TMEM196: variants seen among roughly 807,000 people sequenced by gnomAD.
TMEM196 encodes the protein transmembrane protein 196.
A neutral mutation model predicts 20.0 loss-of-function variants in TMEM196; 17 were observed. That is an observed-to-expected ratio of 0.85 (90% CI 0.58 to 1.27). The LOEUF (loss-of-function observed/expected upper bound fraction) is 1.27. Ranked by LOEUF, TMEM196 falls within the 50% of genes most tolerant of loss-of-function variation. TMEM196 has a pLI of 0.00. For synonymous variants in TMEM196, 113 were observed against 88.9 expected (o/e 1.27, Z -1.52); for missense variants, 267 against 223.0 (o/e 1.20, Z -1.26).
intron 1 of TMEM196, among the ~76,000 whole-genome samples, chr7:19,753,300 A>G (rs990527731): frequency 5.3e-5 from 8 of 152,220 alleles, no homozygotes; most frequent in African/African-American, 1.9e-4. Context: ...ATTCTATGTT[A>G]TAACCACCAC....
chr7:19,744,926 T>A (rs1303252463), intron 1 of TMEM196, among the ~76,000 whole-genome samples: 1 of 152,116 alleles, frequency 6.6e-6, no homozygotes, highest in East Asian at 1.9e-4. Flanking sequence ...AGCAAATCAG[T>A]GGCAGAATTT....
chr7:19,731,377 A>G (rs546732101), intron 1 of TMEM196, among the ~76,000 whole-genome samples: 9 of 151,874 alleles, frequency 5.9e-5, no homozygotes, highest in African/African-American at 2.2e-4. Context: ...AGTGTAGATG[A>G]TCATGTCCTC....
chr7:19,747,299 T>TA (rs904059923), intron 1 of TMEM196, among the ~76,000 whole-genome samples: 12 of 149,390 alleles, frequency 8.0e-5, no homozygotes, highest in East Asian at 6.0e-4. Context: ...AAAATAAAAA[T>TA]AAAAAAAAGA....
chr7:19,757,751 T>TA (rs1434303477), intron 1 of TMEM196, among the ~76,000 whole-genome samples: 26 of 152,152 alleles, frequency 1.7e-4, no homozygotes, highest in Non-Finnish European at 3.1e-4. Context: ...GATTGGTATA[T>TA]AAAATTAATT....
At chr7:19,751,000 T>C (rs901899391) in intron 1 of TMEM196, among the ~76,000 whole-genome samples, 2 of 152,222 alleles carry the variant, frequency 1.3e-5, no homozygotes, top group Admixed American at 6.5e-5. Flanking sequence ...TCCCTCATTG[T>C]TGAGGAAAGA....
chr7:19,766,285 G>A (rs748659786), intron 1 of TMEM196, among the ~76,000 whole-genome samples: 66 of 152,094 alleles, frequency 4.3e-4, no homozygotes, highest in Non-Finnish European at 8.1e-4. Flanking sequence ...ACATTACAGG[G>A]GAAAGTAGTC....
intron 1 of TMEM196, among the ~76,000 whole-genome samples, chr7:19,749,590 A>G (rs1784884344): frequency 6.6e-6 from 1 of 152,180 alleles, no homozygotes; most frequent in Admixed American, 6.5e-5. Context: ...TGGGATACAT[A>G]TAGATAATAA....
chr7:19,758,943 C>T (rs1447174870), intron 1 of TMEM196, among the ~76,000 whole-genome samples: 1 of 152,170 alleles, frequency 6.6e-6, no homozygotes, highest in Non-Finnish European at 1.5e-5. Context: ...AAAAACTCCC[C>T]CTTTAGCTCT....
intron 1 of TMEM196, among the ~76,000 whole-genome samples, chr7:19,733,410 A>C (rs1017377450): frequency 3.9e-5 from 6 of 152,190 alleles, no homozygotes; most frequent in Non-Finnish European, 8.8e-5. Flanking sequence ...CAATTCAAAG[A>C]GGGAAATCTT....
intron 1 of TMEM196, among the ~76,000 whole-genome samples, chr7:19,740,818 A>C (rs1784559427): frequency 6.6e-6 from 1 of 152,162 alleles, no homozygotes; most frequent in Non-Finnish European, 1.5e-5. Context: ...GAACAAACTC[A>C]AAAGTTCCAT....
At position 19,725,643 on chromosome 7, in the gene TMEM196, G is replaced by GA. The variant is rs1783973664; in HGVS notation, c.329dup (p.Ala111ArgfsTer22). ...TGCAGCCCCCGATCCCAATGCACGC[G>GA]AGAGACATGGAGGCAAGGTGCAGTG... On this transcript the variant is annotated frameshift_variant, in exon 3 of 5. Coordinates refer to ENST00000405844, the MANE Select transcript of TMEM196 (RefSeq NM_001363562.2). LOFTEE classifies it high-confidence loss of function. The GA allele has an allele frequency of 6.2e-7, 1 of 1,614,004 alleles. No individual in the cohort carries two copies. Among genetic ancestry groups the GA allele is most frequent in the Non-Finnish European group, 8.5e-7 (1 of 1,180,004 alleles).
chr7:19,760,343 T>C (rs55984098), intron 1 of TMEM196, among the ~76,000 whole-genome samples: 12,579 of 147,406 alleles, frequency 0.085, 1,021 homozygotes, highest in African/African-American at 0.19. Flanking sequence ...CATAAGCCTA[T>C]ATATTTTCCT....
At chr7:19,743,655 A>C (rs1263396174) in intron 1 of TMEM196, among the ~76,000 whole-genome samples, 1 of 152,300 alleles carries the variant, frequency 6.6e-6, no homozygotes, top group South Asian at 2.1e-4. Flanking sequence ...CGAGTTAAAG[A>C]GCACTATTTA....
At chr7:19,761,997 G>A (rs917351782) in intron 1 of TMEM196, among the ~76,000 whole-genome samples, 2 of 151,866 alleles carry the variant, frequency 1.3e-5, no homozygotes, top group Admixed American at 6.6e-5. Context: ...TTTTGTGATC[G>A]TTTTTTCTTT....
At chr7:19,745,817 G>A (rs1472603709) in intron 1 of TMEM196, among the ~76,000 whole-genome samples, 2 of 150,262 alleles carry the variant, frequency 1.3e-5, no homozygotes, top group Non-Finnish European at 3.0e-5. Flanking sequence ...ATGGTCATCT[G>A]CTCCTAATTG....
intron 1 of TMEM196, among the ~76,000 whole-genome samples, chr7:19,747,458 G>C (rs1490087148): frequency 6.6e-6 from 1 of 152,112 alleles, no homozygotes; most frequent in East Asian, 1.9e-4. Context: ...TAATAAAAAG[G>C]AATGGAGTAA....
intron 1 of TMEM196, among the ~76,000 whole-genome samples, chr7:19,734,846 A>C (rs28402966): frequency 0.12 from 17,779 of 152,238 alleles, 1,666 homozygotes; most frequent in East Asian, 0.54. Context: ...ATACAGGCTC[A>C]AAAATATTAT....
rs1400544287 is a variant in TMEM196, at chr7:19,719,447, A to G, written c.*2681T>C. 1.3e-5 allele frequency: 2 copies of G among 148,292 alleles called. No individual in the cohort carries two copies. The highest frequency in any genetic ancestry group is 2.4e-5 in the African/African-American group (1 of 41,156). The allele number at this position is 148,292 out of a possible 1,614,324, so 9.2% of individuals were successfully genotyped here. A position where few individuals can be genotyped will look rare whatever the true frequency, so the allele number is the denominator to read the frequency against. Reference sequence around the variant, plus strand: ...TGCATATATATACACACATACACATATATGTTTAAAATTTCCAAAGCGAGC... The same window carrying G: ...TGCATATATATACACACATACACATGTATGTTTAAAATTTCCAAAGCGAGC... On this transcript the variant is annotated 3_prime_UTR_variant, in exon 5 of 5. Transcript: ENST00000405844.
Position 19,724,295 on chromosome 7 carries a change from G to A in TMEM196, c.518C>T (p.Pro173Leu), listed in dbSNP as rs1448531725. The part of the protein sequence containing the change: ...LPSCPVVPPT[P>L]ELPTRK ...ATCAGCGTACCTTGTAGGTAACTCT[G>A]GTGTCGGGGGCACCACCGGGCAGCT... Residue 173 changes from proline (P) to leucine (L), a missense_variant, in exon 4 of 5, where the codon CCA (proline) becomes CTA (leucine). By Grantham distance (98) the Pro-to-Leu change is moderately conservative. Coordinates refer to ENST00000405844, the MANE Select transcript of TMEM196 (RefSeq NM_001363562.2). The A allele has an allele frequency of 6.5e-7, 1 of 1,550,330 alleles. No homozygotes were observed. The highest frequency in any genetic ancestry group is 8.7e-7 in the Non-Finnish European group (1 of 1,146,844).
Sources: allele counts gnomAD v4.1 joint callset (sites outside exome capture counted in the v4.1 genomes callset), GRCh38; gene constraint gnomAD v4.1.1; transcripts MANE v1.5; gene names NCBI Gene and HGNC (gene_info 2026-07-23, HGNC 2026-07-21).